Variants in XIRP2 observed in about 807,000 individuals in gnomAD.
The protein encoded by XIRP2 is xin actin binding repeat containing 2.
XIRP2 carries 236 observed loss-of-function variants against 277.0 expected under a neutral mutation model. The ratio of observed to expected loss-of-function variants is 0.85; its 90% CI spans 0.77 to 0.95. The LOEUF (loss-of-function observed/expected upper bound fraction) is 0.95. Ranked by LOEUF, XIRP2 falls within the 40% of genes least tolerant of loss-of-function variation. XIRP2 has a pLI of 0.00. For missense variants in XIRP2, 4,640 were observed against 4,157.5 expected, an observed-to-expected ratio of 1.12 and a Z score of -3.19; for synonymous variants, 1,490 against 1,416.5, an observed-to-expected ratio of 1.05 and a Z score of -1.17.
chr2:167,075,517 T>C (rs906988067), intron 2 of XIRP2, among the ~76,000 whole-genome samples: 1 of 152,242 alleles, frequency 6.6e-6, no homozygotes, highest in African/African-American at 2.4e-5. Context: ...GCCAATTTTA[T>C]TAGATTGCTA....
chr2:166,964,400 AT>A (rs1449923196), intron 2 of XIRP2, among the ~76,000 whole-genome samples: 2 of 151,776 alleles, frequency 1.3e-5, no homozygotes, highest in Admixed American at 1.3e-4. Flanking sequence ...CTAGCTCTAT[AT>A]TTTTTTAAGA....
intron 2 of XIRP2, among the ~76,000 whole-genome samples, chr2:166,929,446 G>A (rs1247891670): frequency 3.3e-5 from 5 of 152,224 alleles, no homozygotes; most frequent in South Asian, 2.1e-4. Flanking sequence ...AAGAACTCTA[G>A]TAGAAAGCCT....
At chr2:166,999,204 G>C (rs1185530320) in intron 2 of XIRP2, among the ~76,000 whole-genome samples, 2 of 152,082 alleles carry the variant, frequency 1.3e-5, no homozygotes, top group African/African-American at 4.8e-5. Flanking sequence ...AGCAGTTTAA[G>C]AAATAGCTTT....
chr2:167,218,272 A>G lies in XIRP2; in HGVS notation c.830A>G (p.Gln277Arg), dbSNP rs768488130. Residue 277 changes from glutamine (Q) to arginine (R), a missense_variant, in exon 5 of 11, where the codon CAA (glutamine) becomes CGA (arginine). Transcript: ENST00000409195. ...TSSRNTFAQY[Q>R]YQHQNRSEQE... ...TCCCGTAATACCTTTGCTCAATACC[A>G]ATATCAACATCAGAACAGATCTGAG... The G allele has an allele frequency of 5.6e-6, 9 of 1,601,652 alleles. No homozygotes were observed. The highest frequency in any genetic ancestry group is 7.7e-6 in the Non-Finnish European group (9 of 1,174,248).
chr2:166,903,664 G>C lies in XIRP2; in HGVS notation c.182G>C (p.Ser61Thr). The C allele has an allele frequency of 6.2e-7, 1 of 1,613,660 alleles. No individual in the cohort carries two copies. Among genetic ancestry groups the C allele is most frequent in the South Asian group, 1.1e-5 (1 of 91,078 alleles). ...VSAPQSLDPT[S>T]LPYSTGEEMW... The stretch of plus-strand genomic sequence containing the variant: ...GCACCTCAATCTTTGGATCCCACAA[G>C]TCTGCCCTACAGTACAGGGGAAGAG... The change falls in exon 2 of 11, where the codon AGT becomes ACT. Residue 61 changes from serine to threonine, a missense_variant. By Grantham distance (58) the Ser-to-Thr change is moderately conservative. Transcript: ENST00000409195.
rs147009883 is a variant in XIRP2 at position 167,061,401 on chromosome 2, G to A, written c.409-74508G>A. 2.8e-3 allele frequency among the ~76,000 whole-genome samples: 419 copies of A among 152,078 alleles called. 8 individuals are homozygous for A. In the East Asian group the frequency reaches 0.042, roughly 15 times the overall value. On this transcript the variant is annotated intron_variant, in intron 2 of 10. Transcript: ENST00000409195. ...CAGTATAATATTGAATAAAAGTGGT[G>A]GGACCAGAAATATTTGCCTTTTTTT...
chr2:167,221,814 T>A (rs867434250), intron 5 of XIRP2, among the ~76,000 whole-genome samples: 1 of 152,192 alleles, frequency 6.6e-6, no homozygotes, highest in African/African-American at 2.4e-5. Context: ...AAAAAATATT[T>A]ATTTTTTTGA....
At chr2:166,906,580 T>C (rs1436109471) in intron 2 of XIRP2, among the ~76,000 whole-genome samples, 1 of 152,134 alleles carries the variant, frequency 6.6e-6, no homozygotes, top group East Asian at 1.9e-4. Context: ...AATGTACATA[T>C]TCATTATAAT....
chr2:167,070,133 G>A (rs1405913518), intron 2 of XIRP2, among the ~76,000 whole-genome samples: 3 of 151,536 alleles, frequency 2.0e-5, no homozygotes, highest in Non-Finnish European at 4.4e-5. Context: ...CTACCTCTCT[G>A]AACTTCTGCT....
intron 2 of XIRP2, among the ~76,000 whole-genome samples, chr2:166,932,298 T>G (rs1466515571): frequency 2.0e-5 from 3 of 151,574 alleles, no homozygotes; most frequent in Non-Finnish European, 2.9e-5. Flanking sequence ...CTCACTGCAG[T>G]CTTAACTTCC....
intron 2 of XIRP2, among the ~76,000 whole-genome samples, chr2:166,945,652 C>T (rs1326028584): frequency 2.1e-5 from 3 of 141,632 alleles, no homozygotes; most frequent in African/African-American, 7.8e-5. Flanking sequence ...CACTGCTTTA[C>T]TAAGATAAAT....
chr2:167,068,664 G>A (rs57195645), intron 2 of XIRP2, among the ~76,000 whole-genome samples: 1 of 151,306 alleles, frequency 6.6e-6, no homozygotes, highest in Non-Finnish European at 1.5e-5. Context: ...TTTAGCTTGA[G>A]TATTGTATAA....
chr2:166,984,378 G>C (rs977958571), intron 2 of XIRP2, among the ~76,000 whole-genome samples: 1 of 152,254 alleles, frequency 6.6e-6, no homozygotes, highest in Non-Finnish European at 1.5e-5. Flanking sequence ...TAGTTTTGGA[G>C]GCTTAGGAGG....
At chr2:167,030,018 T>A (rs770844111) in intron 2 of XIRP2, among the ~76,000 whole-genome samples, 3 of 152,192 alleles carry the variant, frequency 2.0e-5, no homozygotes, top group Admixed American at 2.0e-4. Context: ...TTTGTAGTAT[T>A]CTCTGATGGT....
chr2:167,257,386 T>C (rs1206670964), intron 10 of XIRP2, among the ~76,000 whole-genome samples: 1 of 152,014 alleles, frequency 6.6e-6, no homozygotes, highest in Non-Finnish European at 1.5e-5. Context: ...GAGTTCATTT[T>C]AATTTTAAAT....
chr2:167,257,672 A>G (rs943894040), intron 10 of XIRP2, among the ~76,000 whole-genome samples, 185 bp from the exon 11 acceptor site: 1 of 151,998 alleles, frequency 6.6e-6, no homozygotes, highest in African/African-American at 2.4e-5. Context: ...TAAACACTGC[A>G]AGACATACAT....
chr2:167,244,815 T>C lies in XIRP2; in HGVS notation c.3423T>C (p.Asp1141=). 1 of 1,613,698 alleles carries C rather than the reference T, an allele frequency of 6.2e-7. No individual in the cohort carries two copies. Among genetic ancestry groups the C allele is most frequent in the Non-Finnish European group, 8.5e-7 (1 of 1,179,758 alleles). Residue 1141 remains aspartate (D), a synonymous_variant, in exon 9 of 11, where the codon GAT becomes GAC. Coordinates refer to ENST00000409195, the MANE Select transcript of XIRP2 (RefSeq NM_152381.6). ...CTCAGCCACTTGATACCATAAAAGA[T>C]GACTCTGAAACAGCAGTCAAATTGC... is the stretch of plus-strand genomic sequence containing the variant. ...FETQPLDTIK[D]DSETAVKLQT... is the part of the protein sequence containing the mutation.
chr2:167,020,012 G>A (rs1406038613), intron 2 of XIRP2, among the ~76,000 whole-genome samples: 1 of 152,000 alleles, frequency 6.6e-6, no homozygotes, highest in East Asian at 1.9e-4. Context: ...TCGCTTTTAG[G>A]AGATGGATGT....
intron 2 of XIRP2, among the ~76,000 whole-genome samples, chr2:166,937,858 T>G (rs1430775384): frequency 6.6e-6 from 1 of 152,248 alleles, no homozygotes. Context: ...ATCCATTTCT[T>G]CTAGATTTTC....
Sources: gnomAD v4.1 joint callset for allele counts (sites outside exome capture counted in the v4.1 genomes callset) on GRCh38, gnomAD v4.1.1 for gene constraint, MANE v1.5 for transcripts, NCBI Gene and HGNC (gene_info 2026-07-23, HGNC 2026-07-21) for gene names.